The following NOS1AP variants were observed in gnomAD, a reference collection of about 807,000 sequenced individuals.
NOS1AP encodes the protein nitric oxide synthase 1 adaptor protein, also known as carboxyl-terminal PDZ ligand of neuronal nitric oxide synthase protein.
Under a neutral mutation model 56.2 loss-of-function variants are expected in NOS1AP, and 21 were observed. That is an observed-to-expected ratio of 0.37 (90% CI 0.26 to 0.54). The LOEUF (loss-of-function observed/expected upper bound fraction) is 0.54. NOS1AP is among the 20% of genes least tolerant of loss of function. The pLI is 0.84. For missense variants in NOS1AP, 522 were observed against 657.8 expected (o/e 0.79, Z 2.26); for synonymous variants, 270 against 274.6 (o/e 0.98, Z 0.17).
intron 1 of NOS1AP, among the ~76,000 whole-genome samples, chr1:162,149,321 G>C (rs1649608702): frequency 6.8e-6 from 1 of 147,546 alleles, no homozygotes; most frequent in African/African-American, 2.6e-5. Context: ...TCTACCTGCT[G>C]AGCTAACCTT....
intron 4 of NOS1AP, among the ~76,000 whole-genome samples, chr1:162,307,867 T>A (rs1415072089): frequency 2.0e-5 from 3 of 151,902 alleles, no homozygotes; most frequent in Non-Finnish European, 4.4e-5. Context: ...GCTTTCTACA[T>A]TGATCTGTTT....
chr1:162,203,160 G>A (rs1355548409), intron 2 of NOS1AP, among the ~76,000 whole-genome samples: 1 of 46,274 alleles, frequency 2.2e-5, no homozygotes, highest in African/African-American at 5.4e-5. Flanking sequence ...CATAAAAAAG[G>A]CTGTTTTTTT....
intron 2 of NOS1AP, among the ~76,000 whole-genome samples, chr1:162,217,267 C>CTTTTTTTTTTTTTTT (rs61378473): frequency 0.48 from 32,350 of 67,066 alleles, 13,019 homozygotes; most frequent in Non-Finnish European, 0.64. Context: ...CTGTTGTTAG[C>CTTTTTTTTTTTTTTT]TTTTTTTTTT....
At chr1:162,088,590 A>C (rs1692055637) in intron 1 of NOS1AP, among the ~76,000 whole-genome samples, 1 of 152,194 alleles carries the variant, frequency 6.6e-6, no homozygotes, top group African/African-American at 2.4e-5. Flanking sequence ...TTGGGGATAC[A>C]AAACCAGCAC....
At chr1:162,261,152 C>T (rs1196678346) in intron 2 of NOS1AP, among the ~76,000 whole-genome samples, 1 of 138,534 alleles carries the variant, frequency 7.2e-6, no homozygotes, top group Non-Finnish European at 1.5e-5. Flanking sequence ...GCAGAAACAA[C>T]CAGTAAATCT....
intron 8 of NOS1AP, 186 bp from the exon 9 acceptor site, chr1:162,365,218 C>T: frequency 6.9e-7 from 1 of 1,458,238 alleles, no homozygotes; most frequent in Non-Finnish European, 9.0e-7. Flanking sequence ...GCCAGTGAAC[C>T]CACTCCTTTT....
chr1:162,238,200 G>T (rs187912338), intron 2 of NOS1AP, among the ~76,000 whole-genome samples: 38 of 152,222 alleles, frequency 2.5e-4, no homozygotes, highest in East Asian at 5.8e-4. Flanking sequence ...GGCAGGGTTG[G>T]GGGAGAAGGA....
chr1:162,225,664 A>G (rs1392859735), intron 2 of NOS1AP, among the ~76,000 whole-genome samples: 1 of 152,186 alleles, frequency 6.6e-6, no homozygotes, highest in Admixed American at 6.5e-5. Context: ...CACAGATGCA[A>G]CTAACCCAGG....
At chr1:162,103,831 A>G (rs1450628203) in intron 1 of NOS1AP, among the ~76,000 whole-genome samples, 1 of 151,454 alleles carries the variant, frequency 6.6e-6, no homozygotes, top group East Asian at 1.9e-4. Context: ...GTCTTTGCAC[A>G]CAGCATACCA....
At chr1:162,213,899 C>G (rs1056035997) in intron 2 of NOS1AP, among the ~76,000 whole-genome samples, 1 of 152,234 alleles carries the variant, frequency 6.6e-6, no homozygotes, top group African/African-American at 2.4e-5. Context: ...GAAGGAACCT[C>G]ATCCGCTAGA....
At chr1:162,317,695 A>G (rs1363959096) in intron 4 of NOS1AP, 2 of 152,158 alleles carry the variant, frequency 1.3e-5, no homozygotes. Flanking sequence ...AGGAATTCAT[A>G]TGAATCTCCT....
intron 6 of NOS1AP, among the ~76,000 whole-genome samples, chr1:162,352,117 T>C (rs1305681468): frequency 2.0e-5 from 3 of 152,066 alleles, no homozygotes; most frequent in Admixed American, 1.3e-4. Context: ...TGGAGTGCAG[T>C]GGCATGATCT....
At chr1:162,278,715 A>G (rs1198026174) in intron 2 of NOS1AP, among the ~76,000 whole-genome samples, 2 of 150,642 alleles carry the variant, frequency 1.3e-5, no homozygotes, top group African/African-American at 4.9e-5. Context: ...GTGTGTGTAG[A>G]TATGAATCAT....
intron 2 of NOS1AP, among the ~76,000 whole-genome samples, chr1:162,258,547 T>C (rs916091491): frequency 6.6e-6 from 1 of 152,208 alleles, no homozygotes; most frequent in Non-Finnish European, 1.5e-5. Context: ...TGTGGTTCTA[T>C]GTGTCTTATC....
chr1:162,087,255 A>G (rs187808092), intron 1 of NOS1AP, among the ~76,000 whole-genome samples: 1 of 152,122 alleles, frequency 6.6e-6, no homozygotes, highest in African/African-American at 2.4e-5. Flanking sequence ...TCTTTCCAAC[A>G]GTAGCTTTAA....
In NOS1AP at chr1:162,289,213, C is replaced by CTTTCCTTCCT. The variant is rs1553202247; in HGVS notation, c.270+1779_270+1780insTCCTTCCTTT. Among the ~76,000 whole-genome samples, 4 of 34,454 alleles carry CTTTCCTTCCT rather than the reference C, an allele frequency of 1.2e-4. No individual in the cohort carries two copies. In the East Asian group the frequency reaches 3.1e-3, roughly 27 times the overall value. The allele number at this position is 34,454 out of a possible 152,430, so 22.6% of individuals were successfully genotyped here. On this transcript the variant is annotated intron_variant, in intron 3 of 9. Transcript: ENST00000361897. ...TTTCTTTCCTTCCTTCCTTCCTTTCCTTCCTTCCTTCCTTCCTTCCTTCCT... is the reference window on the plus strand; with the variant it reads ...TTTCTTTCCTTCCTTCCTTCCTTTCCTTTCCTTCCTTTCCTTCCTTCCTTCCTTCCTTCCT...
At chr1:162,171,191 G>A (rs1401122247) in intron 2 of NOS1AP, among the ~76,000 whole-genome samples, 1 of 152,156 alleles carries the variant, frequency 6.6e-6, no homozygotes, top group Non-Finnish European at 1.5e-5. Context: ...GATGGAGCGG[G>A]AGGGTGCAGA....
At chr1:162,205,748 C>T (rs6701225) in intron 2 of NOS1AP, among the ~76,000 whole-genome samples, 16,185 of 152,102 alleles carry the variant, frequency 0.11, 943 homozygotes, top group South Asian at 0.2. Context: ...TGTTATAATT[C>T]CCAGCTTGGT....
intron 6 of NOS1AP, among the ~76,000 whole-genome samples, chr1:162,346,027 C>A (rs347275): frequency 1.3e-5 from 2 of 152,244 alleles, no homozygotes; most frequent in Non-Finnish European, 2.9e-5. Context: ...AGTGCCTGAG[C>A]GGATCAGAAT....
Sources: gnomAD v4.1 joint callset for allele counts (sites outside exome capture counted in the v4.1 genomes callset) on GRCh38, gnomAD v4.1.1 for gene constraint, MANE v1.5 for transcripts, NCBI Gene and HGNC (gene_info 2026-07-23, HGNC 2026-07-21) for gene names.